Variants in ZC3H7A observed in about 807,000 individuals in gnomAD.
ZC3H7A encodes the protein zinc finger CCCH-type containing 7A, also known as zinc finger CCCH domain-containing protein 7A.
A neutral mutation model predicts 125.5 loss-of-function variants in ZC3H7A; 44 were observed. The observed-to-expected ratio is 0.35, with a 90% confidence interval of 0.28 to 0.45. ZC3H7A has a LOEUF of 0.45. Among genes scored for constraint, ZC3H7A ranks in the 20% least tolerant of loss-of-function variants. ZC3H7A has a pLI of 1.00. For missense variants in ZC3H7A, 977 were observed against 1,170.7 expected, an observed-to-expected ratio of 0.83 and a Z score of 2.41; for synonymous variants, 399 against 391.2, an observed-to-expected ratio of 1.02 and a Z score of -0.23.
intron 9 of ZC3H7A, among the ~76,000 whole-genome samples, chr16:11,772,484 T>C (rs2053002482): frequency 6.6e-6 from 1 of 151,752 alleles, no homozygotes; most frequent in Admixed American, 6.6e-5. Flanking sequence ...GTGATCACCA[T>C]CATACAGATG....
intron 9 of ZC3H7A, 56 bp from the exon 10 acceptor site, chr16:11,771,043 G>T (rs2052971759): frequency 5.3e-6 from 8 of 1,512,720 alleles, no homozygotes; most frequent in Non-Finnish European, 7.2e-6. Flanking sequence ...GGGTTTGGCT[G>T]AACTACTTTC....
chr16:11,793,616 T>C (rs1427707881), intron 1 of ZC3H7A, among the ~76,000 whole-genome samples: 5 of 152,164 alleles, frequency 3.3e-5, no homozygotes, highest in African/African-American at 1.2e-4. Context: ...CTGTGTAATA[T>C]TAATAGCTTT....
chr16:11,782,238 A>G (rs767884737), intron 2 of ZC3H7A, 49 bp downstream of exon 2: 1 of 1,606,704 alleles, frequency 6.2e-7, no homozygotes, highest in South Asian at 1.1e-5. Flanking sequence ...ATACATCCAC[A>G]CCAAAGAATT....
Position 11,763,675 on chromosome 16 carries a change from T to TAACATTA in ZC3H7A, c.1821-17_1821-16insTAATGTT, listed in dbSNP as rs757163364. On this transcript the variant is annotated splice_polypyrimidine_tract_variant and intron_variant, in intron 15 of 22. Transcript: ENST00000355758. ...GACAAGGCACCTAAGATGAAAACAG[T>TAACATTA]GACATTTTAATATTGTTCTGCCATA... 1 of 1,422,330 alleles carries TAACATTA rather than the reference T, an allele frequency of 7.0e-7. No individual in the cohort carries two copies. Among genetic ancestry groups the TAACATTA allele is most frequent in the Non-Finnish European group, 9.3e-7 (1 of 1,070,932 alleles). The allele number at this position is 1,422,330 out of a possible 1,614,324, so 88.1% of individuals were successfully genotyped here.
chr16:11,785,358 C>T (rs2053240853), intron 1 of ZC3H7A, among the ~76,000 whole-genome samples: 2 of 150,352 alleles, frequency 1.3e-5, no homozygotes. Flanking sequence ...AAAAAAAAAG[C>T]AACCGGGTGT....
intron 4 of ZC3H7A, among the ~76,000 whole-genome samples, chr16:11,777,278 G>GTT (rs2053096625): frequency 6.6e-6 from 1 of 152,062 alleles, no homozygotes; most frequent in Non-Finnish European, 1.5e-5. Context: ...AAACAGAAAC[G>GTT]TAACTCCAAA....
chr16:11,791,353 C>G (rs2053349316), intron 1 of ZC3H7A, among the ~76,000 whole-genome samples: 1 of 152,058 alleles, frequency 6.6e-6, no homozygotes, highest in Non-Finnish European at 1.5e-5. Context: ...GTTGTTCCCT[C>G]TGCCCAAAAT....
intron 12 of ZC3H7A, 92 bp downstream of exon 12, chr16:11,768,223 G>C (rs546327318): frequency 2.5e-6 from 3 of 1,215,964 alleles, no homozygotes; most frequent in Non-Finnish European, 3.3e-6. Flanking sequence ...CATAATAACT[G>C]ATGTTGTTAA....
At chr16:11,786,708 G>A (rs2053262426) in intron 1 of ZC3H7A, among the ~76,000 whole-genome samples, 1 of 152,142 alleles carries the variant, frequency 6.6e-6, no homozygotes, top group Non-Finnish European at 1.5e-5. Context: ...AGTATTTCAT[G>A]TTCAGTAGTT....
chr16:11,765,745 T>C lies in ZC3H7A; in HGVS notation c.1523-60A>G, dbSNP rs2052845326. ...ATGGCAATTGGCCTGTACTCCCAGC[T>C]ACTTGGGAGGCTGAGGTGGGAGGAT... is the stretch of plus-strand genomic sequence containing the variant. On this transcript the variant is annotated intron_variant, in intron 13 of 22. Coordinates refer to ENST00000355758, the MANE Select transcript of ZC3H7A (RefSeq NM_014153.4). This position sits in a 1 kb window ranked among gnomAD's most constrained non-coding sequence, Gnocchi z 4.8. The C allele has an allele frequency of 1.3e-5, 20 of 1,523,976 alleles. No individual in the cohort carries two copies. The South Asian group carries it at 2.5e-4, about 19-fold the overall frequency. 94.4% of individuals were successfully genotyped at this position (1,523,976 alleles called of 1,614,324 possible). A position where few individuals can be genotyped will look rare whatever the true frequency, so the allele number is the denominator to read the frequency against.
At chr16:11,763,235 G>A (rs2052782666) in intron 16 of ZC3H7A, 1 of 309,612 alleles carries the variant, frequency 3.2e-6, no homozygotes, top group Non-Finnish European at 5.9e-6. Context: ...AGCCTCCCAA[G>A]TAGCTGGTAT....
intron 18 of ZC3H7A, 150 bp from the exon 19 acceptor site, chr16:11,761,661 T>A: frequency 1.1e-6 from 1 of 875,048 alleles, no homozygotes; most frequent in South Asian, 1.8e-5. Flanking sequence ...TATTTTCACT[T>A]CCTATTGTCA....
intron 20 of ZC3H7A, among the ~76,000 whole-genome samples, chr16:11,756,669 G>A (rs562666676): frequency 2.6e-4 from 39 of 152,310 alleles, no homozygotes; most frequent in African/African-American, 9.4e-4. Context: ...ATTATAAACA[G>A]TATTGTCACA....
intron 9 of ZC3H7A, among the ~76,000 whole-genome samples, chr16:11,771,673 G>C (rs1359702515): frequency 6.6e-6 from 1 of 151,624 alleles, no homozygotes; most frequent in African/African-American, 2.4e-5. Flanking sequence ...GCTAATTTTT[G>C]TATTTTTAGT....
At chr16:11,778,161 G>C (rs911784037) in intron 4 of ZC3H7A, among the ~76,000 whole-genome samples, 1 of 151,738 alleles carries the variant, frequency 6.6e-6, no homozygotes, top group Admixed American at 6.6e-5. Context: ...CACTCGCCAG[G>C]CACGGTGGCT....
At chr16:11,767,115 A>C (rs1177531785) in intron 13 of ZC3H7A, among the ~76,000 whole-genome samples, 1 of 152,194 alleles carries the variant, frequency 6.6e-6, no homozygotes. Context: ...TGGTGGTCCC[A>C]TAAGATTAAT....
At position 11,770,796 on chromosome 16, in the gene ZC3H7A, A is replaced by C. The variant is rs954134360; in HGVS notation, c.1095T>G (p.Ser365Arg). Residue 365 changes from serine to arginine, a missense_variant, in exon 10 of 23, where the codon AGT becomes AGG. Around this residue, in one of 3 missense-constraint regions of ZC3H7A, gnomAD observed 342 missense variants for 311.3 expected, o/e 1.10. Transcript: ENST00000355758. ...TTTGGTTCTTACCTCGTTTGGATTC[A>C]CTCATTGAAAATGAATTTAAAGAAG... ...FCSSLNSFSMSESKRDLSTST... is the reference protein window; with the variant it reads ...FCSSLNSFSMRESKRDLSTST... 1 of 1,612,762 alleles carries C rather than the reference A, an allele frequency of 6.2e-7. No individual in the cohort carries two copies. The highest frequency in any genetic ancestry group is 8.5e-7 in the Non-Finnish European group (1 of 1,179,302).
chr16:11,779,221 G>T lies in ZC3H7A; in HGVS notation c.251C>A (p.Pro84His). The change falls in exon 4 of 23, where the codon CCC becomes CAC. Residue 84 changes from proline (P) to histidine (H), a missense_variant. Physicochemically the swap from Pro to His is moderately conservative, Grantham distance 77. Around this residue, in one of 3 missense-constraint regions of ZC3H7A, gnomAD observed 199 missense variants for 256.1 expected, o/e 0.78. Transcript: ENST00000355758. Reference sequence around the variant, plus strand: ...ATATAGTTTTTCAATTATTTCTTTGGGGATTAAAATTTCTTCAGATTTTGC... The same window carrying T: ...ATATAGTTTTTCAATTATTTCTTTGTGGATTAAAATTTCTTCAGATTTTGC... Reference protein sequence around the residue: ...DYAKSEEILIPKEIIEKLYIN... With the variant: ...DYAKSEEILIHKEIIEKLYIN... The T allele has an allele frequency of 6.2e-7, 1 of 1,610,758 alleles. No homozygotes were observed. Among genetic ancestry groups the T allele is most frequent in the Non-Finnish European group, 8.5e-7 (1 of 1,177,346 alleles).
chr16:11,765,731 C>A lies in ZC3H7A; in HGVS notation c.1523-46G>T. ...CAGACATTGAAAACATGGCAATTGG[C>A]CTGTACTCCCAGCTACTTGGGAGGC... is the stretch of plus-strand genomic sequence containing the variant. On this transcript the variant is annotated intron_variant, in intron 13 of 22. Transcript: ENST00000355758. The surrounding 1 kb of genome is among the most constrained non-coding windows in gnomAD (Gnocchi z 4.8). 6.4e-7 allele frequency: 1 copy of A among 1,564,692 alleles called. No individual in the cohort carries two copies. The highest frequency in any genetic ancestry group is 1.2e-5 in the South Asian group (1 of 84,330).
Sources: gnomAD v4.1 joint callset for allele counts (sites outside exome capture counted in the v4.1 genomes callset) on GRCh38, gnomAD v4.1.1 for gene constraint, gnomAD v4.1.1 regional missense constraint, Gnocchi (gnomAD v3.1) non-coding constraint, MANE v1.5 for transcripts, NCBI Gene and HGNC (gene_info 2026-07-23, HGNC 2026-07-21) for gene names.